Variants in MARCHF11 observed in about 807,000 individuals in gnomAD.
MARCHF11 encodes E3 ubiquitin-protein ligase MARCHF11.
Under a neutral mutation model 37.3 loss-of-function variants are expected in MARCHF11, and 29 were observed. The observed-to-expected ratio is 0.78, with a 90% CI of 0.58 to 1.06. MARCHF11 has a LOEUF of 1.06. Among genes scored for constraint, MARCHF11 ranks in the 50% least tolerant of loss-of-function variants. The pLI, the probability that MARCHF11 is intolerant of heterozygous loss-of-function variation, is 0.00. For synonymous variants in MARCHF11, 233 were observed against 228.0 expected, an observed-to-expected ratio of 1.02 and a Z score of -0.20; for missense variants, 482 against 533.4, an observed-to-expected ratio of 0.90 and a Z score of 0.95.
chr5:16,151,649 A>ATGTGTGTGTGTGTGTGTG (rs58891017), intron 2 of MARCHF11, among the ~76,000 whole-genome samples: 3 of 131,410 alleles, frequency 2.3e-5, no homozygotes, highest in Admixed American at 7.8e-5. Flanking sequence ...CGTGAGTTGA[A>ATGTGTGTGTGTGTGTGTG]TGTGTGTGTG....
chr5:16,179,516 G>C lies in MARCHF11; in HGVS notation c.60C>G (p.Ala20=). Reference sequence around the variant, plus strand: ...GCGGGGGAGGTTGCGGGGGAGGCTCGGCGTCCCCGCTCTCCGCCCCGCGAC... The same window carrying C: ...GCGGGGGAGGTTGCGGGGGAGGCTCCGCGTCCCCGCTCTCCGCCCCGCGAC... ...SRCRGAESGD[A]EPPPQPPPPP... The change falls in exon 1 of 4, where the codon GCC becomes GCG. Residue 20 remains alanine, a synonymous_variant. Coordinates refer to ENST00000332432, the MANE Select transcript of MARCHF11 (RefSeq NM_001102562.3). 3 of 1,176,190 alleles carry C rather than the reference G, an allele frequency of 2.6e-6. No homozygotes were observed. The highest frequency in any genetic ancestry group is 3.1e-6 in the Non-Finnish European group (3 of 952,598). The allele number at this position is 1,176,190 out of a possible 1,614,324, so 72.9% of individuals were successfully genotyped here.
chr5:16,171,624 T>C (rs1267909507), intron 2 of MARCHF11, among the ~76,000 whole-genome samples: 2 of 152,226 alleles, frequency 1.3e-5, no homozygotes, highest in Admixed American at 1.3e-4. Flanking sequence ...CATTTATTTA[T>C]ACAGTGTCTG....
chr5:16,091,133 G>A (rs201300838), intron 2 of MARCHF11, 52 bp from the exon 3 acceptor site: 117 of 1,114,654 alleles, frequency 1.0e-4, no homozygotes, highest in Middle Eastern at 5.5e-4. Flanking sequence ...AATTAAAAAA[G>A]AAAAAAAAAC....
rs1736817182 is a variant in MARCHF11, at chr5:16,093,455, G to A, written c.694-2374C>T. ...GTGGCTAGGCCCTACTGAATGCTTGGATTTGGCAGGATGGAAGTGATGGTT... is the reference window on the plus strand; with the variant it reads ...GTGGCTAGGCCCTACTGAATGCTTGAATTTGGCAGGATGGAAGTGATGGTT... On this transcript the variant is annotated intron_variant, in intron 2 of 3. Coordinates refer to ENST00000332432, the MANE Select transcript of MARCHF11 (RefSeq NM_001102562.3). Among the ~76,000 whole-genome samples the A allele has an allele frequency of 3.3e-5, 5 of 152,172 alleles. No homozygotes were observed. The South Asian group carries it at 1.0e-3, about 32-fold the overall frequency.
intron 2 of MARCHF11, among the ~76,000 whole-genome samples, chr5:16,107,178 C>T (rs1418636315): frequency 6.6e-6 from 1 of 152,164 alleles, no homozygotes; most frequent in Non-Finnish European, 1.5e-5. Flanking sequence ...ACAGCTGAAC[C>T]ACCTTATAAG....
In MARCHF11 at chr5:16,179,780, C is replaced by G. The variant is rs1738446773; in HGVS notation, c.-205G>C. The G allele has an allele frequency of 1.1e-5, 2 of 184,588 alleles. No individual in the cohort carries two copies. The highest frequency in any genetic ancestry group is 2.1e-5 in the Non-Finnish European group (2 of 95,822). 11.4% of individuals were successfully genotyped at this position (184,588 alleles called of 1,614,324 possible). A position where few individuals can be genotyped will look rare whatever the true frequency, so the allele number is the denominator to read the frequency against. On this transcript the variant is annotated 5_prime_UTR_variant, in exon 1 of 4. Coordinates refer to ENST00000332432, the MANE Select transcript of MARCHF11 (RefSeq NM_001102562.3). ...AGGCGCGGCCGTTCGGTGGAGCCGC[C>G]GGCTCGGCTCTGATGGAGGCGGCGC...
At chr5:16,132,567 G>A (rs1737535792) in intron 2 of MARCHF11, among the ~76,000 whole-genome samples, 1 of 152,150 alleles carries the variant, frequency 6.6e-6, no homozygotes, top group Non-Finnish European at 1.5e-5. Flanking sequence ...ACATTTGACT[G>A]ACAAGCAAAC....
At chr5:16,099,281 A>G (rs1048106938) in intron 2 of MARCHF11, among the ~76,000 whole-genome samples, 1 of 152,168 alleles carries the variant, frequency 6.6e-6, no homozygotes, top group Non-Finnish European at 1.5e-5. Flanking sequence ...CATCAGCCAC[A>G]TGGCAGAAAT....
At chr5:16,124,567 A>C (rs1334988008) in intron 2 of MARCHF11, among the ~76,000 whole-genome samples, 3 of 152,170 alleles carry the variant, frequency 2.0e-5, no homozygotes, top group Non-Finnish European at 2.9e-5. Flanking sequence ...CAGGATGCAG[A>C]CAGCCACCAA....
intron 3 of MARCHF11, among the ~76,000 whole-genome samples, chr5:16,075,502 C>G (rs534268906): frequency 6.6e-6 from 1 of 152,262 alleles, no homozygotes; most frequent in African/African-American, 2.4e-5. Flanking sequence ...TGCTCCCTGA[C>G]AACAGAACCA....
At chr5:16,133,511 A>T (rs1339121035) in intron 2 of MARCHF11, among the ~76,000 whole-genome samples, 1 of 152,204 alleles carries the variant, frequency 6.6e-6, no homozygotes, top group Non-Finnish European at 1.5e-5. Context: ...ATAAAAACTG[A>T]CAAATAATAA....
intron 2 of MARCHF11, among the ~76,000 whole-genome samples, chr5:16,160,927 G>A (rs1230007160): frequency 6.6e-6 from 1 of 151,998 alleles, no homozygotes; most frequent in Admixed American, 6.6e-5. Flanking sequence ...AGAGGGCAGA[G>A]TTGCACAGTA....
At chr5:16,125,384 C>T (rs1342986565) in intron 2 of MARCHF11, among the ~76,000 whole-genome samples, 1 of 152,100 alleles carries the variant, frequency 6.6e-6, no homozygotes, top group African/African-American at 2.4e-5. Flanking sequence ...TCAACACATC[C>T]TATTATCATC....
At chr5:16,134,081 T>C (rs1358570425) in intron 2 of MARCHF11, among the ~76,000 whole-genome samples, 2 of 152,178 alleles carry the variant, frequency 1.3e-5, no homozygotes, top group African/African-American at 4.8e-5. Flanking sequence ...CAATGGAGTG[T>C]CATTGTTCCT....
intron 3 of MARCHF11, among the ~76,000 whole-genome samples, chr5:16,072,107 C>T (rs1272496054): frequency 1.3e-5 from 2 of 152,078 alleles, no homozygotes; most frequent in African/African-American, 4.8e-5. Context: ...CTAACAAATA[C>T]AAACAGGTAC....
chr5:16,166,772 G>C (rs1341910085), intron 2 of MARCHF11, among the ~76,000 whole-genome samples: 1 of 151,858 alleles, frequency 6.6e-6, no homozygotes, highest in Non-Finnish European at 1.5e-5. Context: ...CTTAAGCAAA[G>C]CATGAGTTTA....
At chr5:16,071,695 T>C (rs13155691) in intron 3 of MARCHF11, among the ~76,000 whole-genome samples, 45,934 of 152,116 alleles carry the variant, frequency 0.3, 8,346 homozygotes, top group East Asian at 0.64. Flanking sequence ...TTATAATTAA[T>C]AGAGACTTAC....
Position 16,075,056 on chromosome 5 carries a change from T to C in MARCHF11, c.887-7263A>G, listed in dbSNP as rs1405691453. Among the ~76,000 whole-genome samples the C allele has an allele frequency of 2.0e-5, 3 of 152,328 alleles. No individual in the cohort carries two copies. In the South Asian group the frequency reaches 6.2e-4, roughly 32 times the overall value. ...AGCCCAATTGTCAGATGGAGTCTCA[T>C]CTTTTACTAATTGGCAGTGAATGAA... On this transcript the variant is annotated intron_variant, in intron 3 of 3. Coordinates refer to ENST00000332432, the MANE Select transcript of MARCHF11 (RefSeq NM_001102562.3).
intron 2 of MARCHF11, among the ~76,000 whole-genome samples, chr5:16,108,738 G>A (rs957147186): frequency 6.6e-5 from 10 of 152,200 alleles, no homozygotes; most frequent in Non-Finnish European, 1.0e-4. Context: ...GCGGGTGGGA[G>A]AGTGGACAAC....
Sources: gnomAD v4.1 joint callset for allele counts (sites outside exome capture counted in the v4.1 genomes callset) on GRCh38, gnomAD v4.1.1 for gene constraint, MANE v1.5 for transcripts, NCBI Gene and HGNC (gene_info 2026-07-23, HGNC 2026-07-21) for gene names.